Variants in PDE4B observed in about 807,000 individuals in gnomAD.
The protein encoded by PDE4B is 3',5'-cyclic-AMP phosphodiesterase 4B.
Under a neutral mutation model 82.2 loss-of-function variants are expected in PDE4B, and 20 were observed. The ratio of observed to expected loss-of-function variants is 0.24; its 90% confidence interval spans 0.17 to 0.35. PDE4B has a LOEUF of 0.35. PDE4B is among the 10% of genes least tolerant of loss of function. The probability of loss-of-function intolerance (pLI) is 1.00; values close to 1 mark genes in which losing one functional copy is unlikely to be tolerated. For missense variants in PDE4B, 655 were observed against 907.2 expected, an observed-to-expected ratio of 0.72 and a Z score of 3.57; for synonymous variants, 320 against 318.9, an observed-to-expected ratio of 1.00 and a Z score of -0.04.
At chr1:65,800,680 A>T (rs1198389433) in intron 1 of PDE4B, among the ~76,000 whole-genome samples, 2 of 152,238 alleles carry the variant, frequency 1.3e-5, no homozygotes, top group Non-Finnish European at 2.9e-5. Flanking sequence ...AGGCCCATGC[A>T]ATTAAGTATT....
intron 3 of PDE4B, among the ~76,000 whole-genome samples, chr1:65,992,127 T>C (rs1651276729): frequency 6.6e-6 from 1 of 152,162 alleles, no homozygotes; most frequent in African/African-American, 2.4e-5. Flanking sequence ...TTGGATCTTC[T>C]GGAGAAGGGA....
intron 3 of PDE4B, among the ~76,000 whole-genome samples, chr1:66,121,693 C>T (rs12745871): frequency 0.26 from 40,152 of 152,030 alleles, 6,304 homozygotes; most frequent in Middle Eastern, 0.37. Context: ...GGAAAGCAGC[C>T]GAATACAGTT....
intron 1 of PDE4B, among the ~76,000 whole-genome samples, chr1:65,834,831 C>A (rs1646122989): frequency 6.6e-6 from 1 of 152,128 alleles, no homozygotes; most frequent in African/African-American, 2.4e-5. Flanking sequence ...AAGCCAAGCC[C>A]AACTTTGCAT....
chr1:66,334,043 T>A (rs1043017648), intron 8 of PDE4B, among the ~76,000 whole-genome samples: 1 of 152,304 alleles, frequency 6.6e-6, no homozygotes, highest in South Asian at 2.1e-4. Context: ...CAAATCACAC[T>A]GGGACTCCAT....
chr1:65,827,622 G>A (rs907535761), intron 1 of PDE4B, among the ~76,000 whole-genome samples: 3 of 152,114 alleles, frequency 2.0e-5, no homozygotes, highest in African/African-American at 2.4e-5. Context: ...TGAGAAAACC[G>A]AAGAAGATCA....
chr1:66,311,968 C>CTGGGAA, intron 7 of PDE4B, among the ~76,000 whole-genome samples: 2 of 152,134 alleles, frequency 1.3e-5, no homozygotes, highest in Non-Finnish European at 2.9e-5. Flanking sequence ...ACGTATAAAT[C>CTGGGAA]CCCAAATGTA....
At chr1:66,198,790 G>A (rs1003051790) in intron 3 of PDE4B, among the ~76,000 whole-genome samples, 1 of 150,808 alleles carries the variant, frequency 6.6e-6, no homozygotes, top group Non-Finnish European at 1.5e-5. Context: ...TCCCTGGAGT[G>A]TGATGTTGCC....
At chr1:65,947,080 G>A (rs192252804) in intron 3 of PDE4B, among the ~76,000 whole-genome samples, 36 of 152,022 alleles carry the variant, frequency 2.4e-4, no homozygotes, top group East Asian at 7.8e-4. Flanking sequence ...CATCAGGCAC[G>A]GTTAACATGA....
At chr1:65,826,481 CTCAGAGTT>C (rs1450465170) in intron 1 of PDE4B, among the ~76,000 whole-genome samples, 2 of 152,052 alleles carry the variant, frequency 1.3e-5, no homozygotes, top group Non-Finnish European at 2.9e-5. Context: ...CCACCAGGTA[CTCAGAGTT>C]ACTTTGAGGG....
intron 3 of PDE4B, among the ~76,000 whole-genome samples, chr1:66,166,451 G>A (rs879561345): frequency 6.6e-6 from 1 of 152,120 alleles, no homozygotes; most frequent in Admixed American, 6.5e-5. Context: ...AACAGTGAAA[G>A]GGGGCTGGGC....
chr1:66,236,857 G>T (rs1652501169), intron 3 of PDE4B, among the ~76,000 whole-genome samples: 1 of 152,174 alleles, frequency 6.6e-6, no homozygotes, highest in Non-Finnish European at 1.5e-5. Flanking sequence ...AACCAAACTG[G>T]TTTTAAATCC....
At chr1:66,323,309 A>T (rs933285203) in intron 7 of PDE4B, among the ~76,000 whole-genome samples, 1 of 152,086 alleles carries the variant, frequency 6.6e-6, no homozygotes, top group Non-Finnish European at 1.5e-5. Context: ...TCAAAATCTC[A>T]TAACTTTCCA....
intron 3 of PDE4B, among the ~76,000 whole-genome samples, chr1:66,096,720 T>C (rs762252485): frequency 4.0e-5 from 6 of 151,612 alleles, no homozygotes; most frequent in East Asian, 1.9e-4. Flanking sequence ...TATATTTCTA[T>C]TGGGCAATGT....
At chr1:65,931,443 C>A (rs1647827905) in intron 3 of PDE4B, among the ~76,000 whole-genome samples, 1 of 152,094 alleles carries the variant, frequency 6.6e-6, no homozygotes, top group Non-Finnish European at 1.5e-5. Flanking sequence ...AACAAACAAA[C>A]AAACAAGAAA....
chr1:66,155,103 T>C (rs899503548), intron 3 of PDE4B, among the ~76,000 whole-genome samples: 7 of 152,258 alleles, frequency 4.6e-5, no homozygotes, highest in African/African-American at 1.7e-4. Context: ...CACTCCTGCC[T>C]GGGAAACAGG....
chr1:65,957,294 C>T (rs1462655241), intron 3 of PDE4B, among the ~76,000 whole-genome samples: 1 of 151,818 alleles, frequency 6.6e-6, no homozygotes, highest in Non-Finnish European at 1.5e-5. Context: ...ATATCTTTTC[C>T]TATATTTTCT....
chr1:66,354,532 T>C, intron 8 of PDE4B: 1 of 1,141,306 alleles, frequency 8.8e-7, no homozygotes, highest in Non-Finnish European at 1.1e-6. Flanking sequence ...CTATTCATAA[T>C]TCATAAGTGC....
rs572594726 is a variant in PDE4B at position 66,210,026 on chromosome 1, A to G, written c.282-37434A>G. Reference sequence around the variant, plus strand: ...ATTGGCTCATCCACTGTTGTCCAAAAGAATTTCTTGAACTCTGCATTTGTC... The same window carrying G: ...ATTGGCTCATCCACTGTTGTCCAAAGGAATTTCTTGAACTCTGCATTTGTC... On this transcript the variant is annotated intron_variant, in intron 3 of 16. Coordinates refer to ENST00000341517, the MANE Select transcript of PDE4B (RefSeq NM_002600.4). Among the ~76,000 whole-genome samples the G allele has an allele frequency of 2.6e-5, 4 of 152,328 alleles. No individual in the cohort carries two copies. The East Asian group carries it at 7.7e-4, about 29-fold the overall frequency.
At chr1:65,848,983 GATA>G (rs889955636) in intron 1 of PDE4B, among the ~76,000 whole-genome samples, 46 of 152,016 alleles carry the variant, frequency 3.0e-4, no homozygotes, top group African/African-American at 1.1e-3. Flanking sequence ...TCACTTAATA[GATA>G]ATAATTATTA....
Sources: allele counts gnomAD v4.1 joint callset (sites outside exome capture counted in the v4.1 genomes callset), GRCh38; gene constraint gnomAD v4.1.1; transcripts MANE v1.5; gene names NCBI Gene and HGNC (gene_info 2026-07-23, HGNC 2026-07-21).